GIGYF2: variants seen among roughly 807,000 people sequenced by gnomAD.
GIGYF2 encodes the protein GRB10 interacting GYF protein 2, also known as GRB10-interacting GYF protein 2.
In GIGYF2, 25 loss-of-function variants were observed where a neutral mutation model predicts 208.1. That is an observed-to-expected ratio of 0.12 (90% confidence interval 0.09 to 0.17). GIGYF2 has a LOEUF of 0.17. Ranked by LOEUF, GIGYF2 falls within the 10% of genes least tolerant of loss-of-function variation. The probability of loss-of-function intolerance (pLI) is 1.00; values close to 1 mark genes in which losing one functional copy is unlikely to be tolerated. For synonymous variants in GIGYF2, 534 were observed against 543.8 expected, an observed-to-expected ratio of 0.98 and a Z score of 0.25; for missense variants, 1,302 against 1,579.4, an observed-to-expected ratio of 0.82 and a Z score of 2.98.
rs751654597 is a variant in GIGYF2 at position 232,777,592 on chromosome 2, G to A, written c.533-9558G>A. 4.0e-5 allele frequency among the ~76,000 whole-genome samples: 6 copies of A among 151,338 alleles called. No homozygotes were observed. In the East Asian group the frequency reaches 7.8e-4, roughly 20 times the overall value. ...TAATGCTACTTAGAAAGTGAAATCC[G>A]CCTTTGTAGAATCCTCTCCGTCCCC... On this transcript the variant is annotated intron_variant, in intron 8 of 28. Transcript: ENST00000373563.
intron 2 of GIGYF2, among the ~76,000 whole-genome samples, chr2:232,732,942 T>C (rs913398302): frequency 2.0e-5 from 3 of 152,082 alleles, no homozygotes; most frequent in Non-Finnish European, 4.4e-5. Context: ...TATGTTTTCT[T>C]TGAATCACTA....
At chr2:232,753,449 G>T (rs1023708734) in intron 5 of GIGYF2, among the ~76,000 whole-genome samples, 3 of 151,970 alleles carry the variant, frequency 2.0e-5, no homozygotes, top group African/African-American at 7.3e-5. Context: ...AGTGGAGATG[G>T]TGTTTTGCCG....
At chr2:232,810,882 T>G (rs1186397395) in intron 16 of GIGYF2, 1 of 254,702 alleles carries the variant, frequency 3.9e-6, no homozygotes, top group Non-Finnish European at 7.7e-6. Flanking sequence ...GCTACTAATT[T>G]GAATCTGTTT....
rs59577841 is a variant in GIGYF2 at position 232,730,664 on chromosome 2, C to T, written c.-43-4491C>T. ...CTGTAATCCCAGCACTTTGGGAGGC[C>T]GAGGCGGGCGGATCACGAGGTCAGG... On this transcript the variant is annotated intron_variant, in intron 2 of 28. Transcript: ENST00000373563. 5.9e-3 allele frequency among the ~76,000 whole-genome samples: 845 copies of T among 144,002 alleles called. 9 individuals are homozygous for T. The highest frequency in any genetic ancestry group is 0.021 in the African/African-American group (796 of 38,690). 94.5% of individuals were successfully genotyped at this position (144,002 alleles called of 152,430 possible). A position where few individuals can be genotyped will look rare whatever the true frequency, so the allele number is the denominator to read the frequency against.
At chr2:232,725,590 G>C (rs1697160663) in intron 2 of GIGYF2, among the ~76,000 whole-genome samples, 1 of 152,158 alleles carries the variant, frequency 6.6e-6, no homozygotes, top group African/African-American at 2.4e-5. Context: ...CACATAGTTA[G>C]CTCTCAATAA....
At chr2:232,765,192 C>T (rs188172509) in intron 8 of GIGYF2, 1 of 152,146 alleles carries the variant, frequency 6.6e-6, no homozygotes, top group East Asian at 1.9e-4. Context: ...GGAAGTAATC[C>T]ACTTTTGTTG....
intron 1 of GIGYF2, among the ~76,000 whole-genome samples, chr2:232,698,547 C>G (rs555474418): frequency 6.6e-6 from 1 of 152,246 alleles, no homozygotes; most frequent in African/African-American, 2.4e-5. Context: ...ATATTTGTAG[C>G]TTTGGCCTTA....
At chr2:232,771,265 C>T in intron 8 of GIGYF2, 1 of 1,608,300 alleles carries the variant, frequency 6.2e-7, no homozygotes, top group Non-Finnish European at 8.5e-7. Flanking sequence ...TCTTTGAGCG[C>T]CATCCATTTG....
chr2:232,795,667 G>A (rs1038897164), intron 13 of GIGYF2, among the ~76,000 whole-genome samples: 3 of 152,134 alleles, frequency 2.0e-5, no homozygotes, highest in African/African-American at 7.2e-5. Flanking sequence ...GGAGGCTGAG[G>A]TAGGAGGATC....
At chr2:232,846,034 A>T in intron 26 of GIGYF2, 148 bp downstream of exon 26, 1 of 691,330 alleles carries the variant, frequency 1.4e-6, no homozygotes, top group Non-Finnish European at 2.6e-6. Flanking sequence ...TGACTCTTTA[A>T]TAGTATTACT....
intron 8 of GIGYF2, among the ~76,000 whole-genome samples, chr2:232,775,879 C>G (rs1699490570): frequency 6.6e-6 from 1 of 152,148 alleles, no homozygotes; most frequent in Non-Finnish European, 1.5e-5. Flanking sequence ...ATGATTTCTC[C>G]TGCCCTCCAC....
chr2:232,699,922 A>T (rs1452591989), intron 1 of GIGYF2, among the ~76,000 whole-genome samples: 1 of 152,186 alleles, frequency 6.6e-6, no homozygotes, highest in Non-Finnish European at 1.5e-5. Flanking sequence ...TTTACCTTTC[A>T]GACTAGTTGT....
chr2:232,852,784 G>A (rs1335157776), intron 28 of GIGYF2, among the ~76,000 whole-genome samples: 1 of 152,168 alleles, frequency 6.6e-6, no homozygotes. Flanking sequence ...GTGGGTTCTA[G>A]CTAAGAAGCT....
chr2:232,816,088 G>A (rs1018260707), intron 19 of GIGYF2, among the ~76,000 whole-genome samples: 2 of 152,198 alleles, frequency 1.3e-5, no homozygotes, highest in African/African-American at 4.8e-5. Flanking sequence ...TATGTGGCAT[G>A]AGTTCTCCCA....
intron 8 of GIGYF2, chr2:232,768,866 A>G: frequency 1.4e-6 from 2 of 1,458,202 alleles, no homozygotes; most frequent in Admixed American, 4.0e-5. Context: ...AAATATCAAT[A>G]CTTTTTCTGA....
intron 2 of GIGYF2, among the ~76,000 whole-genome samples, chr2:232,726,636 G>A (rs1003685788): frequency 1.3e-5 from 2 of 151,916 alleles, no homozygotes; most frequent in Non-Finnish European, 2.9e-5. Flanking sequence ...TTTTTAAATA[G>A]GTCCTATAGC....
intron 8 of GIGYF2, chr2:232,771,414 T>TAAAACAG: frequency 1.5e-6 from 2 of 1,340,392 alleles, no homozygotes; most frequent in Non-Finnish European, 2.1e-6. Context: ...CTCTTAACTG[T>TAAAACAG]TTTATAGTTA....
intron 2 of GIGYF2, chr2:232,729,522 T>A: frequency 7.7e-7 from 1 of 1,302,600 alleles, no homozygotes; most frequent in East Asian, 2.5e-5. Context: ...CAGGATGGAT[T>A]TTAGATTTTG....
intron 9 of GIGYF2, among the ~76,000 whole-genome samples, chr2:232,788,911 G>GA (rs1378631437): frequency 2.0e-5 from 3 of 151,936 alleles, no homozygotes; most frequent in African/African-American, 4.8e-5. Context: ...GTTTGGGTCT[G>GA]AAAAAACAGT....
Sources: gnomAD v4.1 joint callset for allele counts (sites outside exome capture counted in the v4.1 genomes callset) on GRCh38, gnomAD v4.1.1 for gene constraint, MANE v1.5 for transcripts, NCBI Gene and HGNC (gene_info 2026-07-23, HGNC 2026-07-21) for gene names.